Variants in KIF7 observed in about 807,000 individuals in gnomAD.
KIF7 encodes kinesin family member 7, also known as kinesin-like protein KIF7.
Under a neutral mutation model 135.7 loss-of-function variants are expected in KIF7, and 104 were observed. The ratio of observed to expected loss-of-function variants is 0.77; its 90% CI spans 0.65 to 0.90. The LOEUF (loss-of-function observed/expected upper bound fraction) is 0.90. Among genes scored for constraint, KIF7 ranks in the 40% least tolerant of loss-of-function variants. KIF7 has a pLI of 0.00. For missense variants in KIF7, 2,005 were observed against 1,839.1 expected (o/e 1.09, Z -1.65); for synonymous variants, 883 against 809.4 (o/e 1.09, Z -1.54).
At chr15:89,657,963 C>G (rs1964224042), upstream of KIF7, among the ~76,000 whole-genome samples, 1 of 152,188 alleles carries the variant, frequency 6.6e-6, no homozygotes, top group Non-Finnish European at 1.5e-5. Flanking sequence ...TGTGCTAATG[C>G]TACAGGCATA....
chr15:89,657,252 A>G (rs1964216335), upstream of KIF7, among the ~76,000 whole-genome samples: 1 of 147,938 alleles, frequency 6.8e-6, no homozygotes, highest in Non-Finnish European at 1.5e-5. Flanking sequence ...TGGAGGTTGC[A>G]GTGAGCCGAG....
chr15:89,628,833 C>T (rs750639239), intron 18 of KIF7, 47 bp from the exon 19 acceptor site: 5 of 1,612,012 alleles, frequency 3.1e-6, no homozygotes, highest in Non-Finnish European at 4.2e-6. Context: ...GTGGCAACAC[C>T]TTCCCGAAGC....
At chr15:89,632,769 C>T in intron 14 of KIF7, 51 bp downstream of exon 14, 2 of 1,570,326 alleles carry the variant, frequency 1.3e-6, no homozygotes, top group South Asian at 1.1e-5. Flanking sequence ...CCTGGCTGGA[C>T]CTCACTTCAC....
intron 11 of KIF7, among the ~76,000 whole-genome samples, chr15:89,638,517 C>G (rs866627591): frequency 0.028 from 4,254 of 151,848 alleles, 196 homozygotes; most frequent in African/African-American, 0.097. Flanking sequence ...AACAGAGAGC[C>G]AAATCATGAG....
At chr15:89,620,953 C>T (rs1431803607) in intron 1 of KIF7, among the ~76,000 whole-genome samples, 1 of 151,274 alleles carries the variant, frequency 6.6e-6, no homozygotes, top group Non-Finnish European at 1.5e-5. Flanking sequence ...CGATCTCCGA[C>T]TTAGTGATCT....
chr15:89,630,294 A>C lies in KIF7; in HGVS notation c.3311T>G (p.Phe1104Cys). Residue 1104 changes from phenylalanine (F) to cysteine (C), a missense_variant, in exon 16 of 19, where the codon TTT becomes TGT. By Grantham distance (205) the Phe-to-Cys change is radical. Coordinates refer to ENST00000394412, the MANE Select transcript of KIF7 (RefSeq NM_198525.3). The stretch of plus-strand genomic sequence containing the variant: ...CATGGGCTGCTGGCCCACCTTGTCA[A>C]AATACTTGCAGAGGAGGGCTCTGGT... ...SETRALLCKY[F>C]DKVVTLREEQ... The C allele has an allele frequency of 6.2e-7, 1 of 1,614,026 alleles. No homozygotes were observed. Among genetic ancestry groups the C allele is most frequent in the Non-Finnish European group, 8.5e-7 (1 of 1,180,008 alleles).
rs1331948331 is a variant in KIF7 at position 89,649,729 on chromosome 15, A to C, written c.529+12T>G. The C allele has an allele frequency of 6.4e-7, 1 of 1,551,144 alleles. No individual in the cohort carries two copies. The highest frequency in any genetic ancestry group is 8.7e-7 in the Non-Finnish European group (1 of 1,146,616). ...CCCCTCTCCGTCAGTGGAGGACCCC[A>C]GAGTTCCTCACCAACATTCCCGCGC... On this transcript the variant is annotated intron_variant, in intron 3 of 18. Coordinates refer to ENST00000394412, the MANE Select transcript of KIF7 (RefSeq NM_198525.3).
At chr15:89,657,989 C>G (rs1253439836), upstream of KIF7, among the ~76,000 whole-genome samples, 1 of 152,226 alleles carries the variant, frequency 6.6e-6, no homozygotes, top group African/African-American at 2.4e-5. Flanking sequence ...TAGAACAAAT[C>G]TGGAAACCAG....
intron 10 of KIF7, 113 bp from the exon 11 acceptor site, chr15:89,642,518 G>T: frequency 1.3e-6 from 1 of 749,346 alleles, no homozygotes; most frequent in Non-Finnish European, 2.1e-6. Context: ...GTTTCACCAA[G>T]CCTTTGCACC....
intron 14 of KIF7, 132 bp downstream of exon 14, chr15:89,632,688 G>A (rs1366010434): frequency 8.5e-6 from 8 of 944,122 alleles, no homozygotes; most frequent in Non-Finnish European, 8.2e-6. Context: ...TTATCACTTG[G>A]AAGGACCTCA....
In KIF7 at chr15:89,628,219, G is replaced by A. The variant is rs1411888713; in HGVS notation, c.*200C>T. 5.2e-6 allele frequency: 3 copies of A among 576,170 alleles called. No individual in the cohort carries two copies. Among genetic ancestry groups the A allele is most frequent in the Admixed American group, 3.1e-5 (1 of 32,134 alleles). The allele number at this position is 576,170 out of a possible 1,614,324, so 35.7% of individuals were successfully genotyped here. A position where few individuals can be genotyped will look rare whatever the true frequency, so the allele number is the denominator to read the frequency against. On this transcript the variant is annotated 3_prime_UTR_variant, in exon 19 of 19. Transcript: ENST00000394412. The stretch of plus-strand genomic sequence containing the variant: ...CACAGCTTCATGGAAGTAAGTGGTG[G>A]GAATTTGCATATTATTTTGTTAAAT...
chr15:89,636,249 A>G (rs1316856983), intron 11 of KIF7, among the ~76,000 whole-genome samples: 4 of 151,880 alleles, frequency 2.6e-5, no homozygotes, highest in East Asian at 3.9e-4. Flanking sequence ...GACCATCGAG[A>G]CTAGGAAGAA....
Position 89,642,202 on chromosome 15 carries a change from C to CCTGCACCTGGCTCTGGGCCG in KIF7, c.2375_2394dup (p.Val799ArgfsTer9). On this transcript the variant is annotated frameshift_variant and splice_region_variant. Coordinates refer to ENST00000394412, the MANE Select transcript of KIF7 (RefSeq NM_198525.3). LOFTEE classifies it high-confidence loss of function. Reference sequence around the variant, plus strand: ...CCCCACCCTGAGGCCCCGAGACTAACCTGCACCTGGCTCTGGGCCGCAGCG... The same window carrying CCTGCACCTGGCTCTGGGCCG: ...CCCCACCCTGAGGCCCCGAGACTAACCTGCACCTGGCTCTGGGCCGCTGCACCTGGCTCTGGGCCGCAGCG... The CCTGCACCTGGCTCTGGGCCG allele has an allele frequency of 6.2e-7, 1 of 1,610,122 alleles. No homozygotes were observed.
chr15:89,645,125 G>C lies in KIF7; in HGVS notation c.2079C>G (p.Val693=), dbSNP rs113112856. Reference sequence around the variant, plus strand: ...GCCACTCTGAGGCTGTGGCAGGGGGGACCTGGCGGGCCTGAACTCGGGCCT... The same window carrying C: ...GCCACTCTGAGGCTGTGGCAGGGGGCACCTGGCGGGCCTGAACTCGGGCCT... The part of the protein sequence containing the change: ...GSKARVQARQ[V]PPATASEWRL... The change falls in exon 10 of 19, where the codon GTC becomes GTG. Residue 693 remains valine (V), a synonymous_variant. Coordinates refer to ENST00000394412, the MANE Select transcript of KIF7 (RefSeq NM_198525.3). 1.8e-5 allele frequency: 29 copies of C among 1,605,002 alleles called. No individual in the cohort carries two copies. The Admixed American group carries it at 2.8e-4, about 16-fold the overall frequency.
At chr15:89,624,863 C>T, downstream of KIF7, 1 of 1,613,776 alleles carries the variant, frequency 6.2e-7, no homozygotes, top group Non-Finnish European at 8.5e-7. Context: ...CCTGGCTCTC[C>T]TCTGATGCCT....
Position 89,629,814 on chromosome 15 carries a change from C to T in KIF7, c.3319-241G>A, listed in dbSNP as rs1963632953. On this transcript the variant is annotated intron_variant, in intron 16 of 18. Coordinates refer to ENST00000394412, the MANE Select transcript of KIF7 (RefSeq NM_198525.3). ...TGCCACAAACCCTTTCCTAGCCACA[C>T]ACTATGGAGCTGGGCAGAGCGTCAA... 7.1e-5 allele frequency: 42 copies of T among 595,588 alleles called. No homozygotes were observed. The South Asian group carries it at 8.3e-4, about 12-fold the overall frequency. 36.9% of individuals were successfully genotyped at this position (595,588 alleles called of 1,614,324 possible).
chr15:89,638,696 TATC>T (rs1963860489), intron 11 of KIF7, among the ~76,000 whole-genome samples: 1 of 150,988 alleles, frequency 6.6e-6, no homozygotes, highest in African/African-American at 2.4e-5. Context: ...GAAGAATCAA[TATC>T]ATGAAAATGG....
rs1184688512 is a variant in KIF7 at position 89,630,478 on chromosome 15, A to C, written c.3127T>G (p.Phe1043Val). Residue 1043 changes from phenylalanine to valine, a missense_variant, in exon 16 of 19, where the codon TTC becomes GTC. Phe to Val is a conservative substitution (Grantham distance 50). Coordinates refer to ENST00000394412, the MANE Select transcript of KIF7 (RefSeq NM_198525.3). ...LLSPEEERTL[F>V]QLDEAIEALD... ...GCCTCGATGGCCTCATCCAACTGGA[A>C]CAGCGTCCGCTCCTCCTGCAGAGAC... 1.1e-5 allele frequency: 17 copies of C among 1,549,066 alleles called. No homozygotes were observed. Among genetic ancestry groups the C allele is most frequent in the Middle Eastern group, 1.7e-4 (1 of 5,782 alleles).
chr15:89,649,995 C>T (rs2142032457), intron 2 of KIF7, 54 bp from the exon 3 acceptor site: 1 of 1,524,942 alleles, frequency 6.6e-7, no homozygotes, highest in Non-Finnish European at 8.8e-7. Flanking sequence ...GGCCCATGGC[C>T]CCCAGGCCCG....
Sources: allele counts gnomAD v4.1 joint callset (sites outside exome capture counted in the v4.1 genomes callset), GRCh38; gene constraint gnomAD v4.1.1; transcripts MANE v1.5; gene names NCBI Gene and HGNC (gene_info 2026-07-23, HGNC 2026-07-21).